ESRRG: variants seen among roughly 807,000 people sequenced by gnomAD.
ESRRG encodes the protein estrogen related receptor gamma.
In ESRRG, 13 loss-of-function variants were observed where a neutral mutation model predicts 44.0. The observed-to-expected ratio is 0.30, with a 90% CI of 0.19 to 0.47. The LOEUF is 0.47. ESRRG is among the 20% of genes least tolerant of loss of function. ESRRG has a pLI of 1.00. For synonymous variants in ESRRG, 215 were observed against 214.6 expected, an observed-to-expected ratio of 1.00 and a Z score of -0.02; for missense variants, 395 against 580.6, an observed-to-expected ratio of 0.68 and a Z score of 3.29.
At chr1:216,975,453 C>G (rs1376327482) in intron 1 of ESRRG, among the ~76,000 whole-genome samples, 3 of 152,200 alleles carry the variant, frequency 2.0e-5, no homozygotes, top group African/African-American at 7.2e-5. Flanking sequence ...GCCCAGGTAA[C>G]AGGAGCCATA....
At chr1:217,137,351 T>C (rs1207710548) in intron 1 of ESRRG, among the ~76,000 whole-genome samples, 1 of 152,168 alleles carries the variant, frequency 6.6e-6, no homozygotes, top group African/African-American at 2.4e-5. Context: ...GAATCCAGTT[T>C]GGAAAGAGTG....
chr1:216,809,761 G>A (rs567836846), intron 2 of ESRRG, among the ~76,000 whole-genome samples: 56 of 151,976 alleles, frequency 3.7e-4, no homozygotes, highest in Non-Finnish European at 6.8e-4. Flanking sequence ...TACTGCAGAC[G>A]TAAGGGTAGA....
At chr1:216,960,136 T>TAA (rs35019383) in intron 1 of ESRRG, among the ~76,000 whole-genome samples, 4 of 151,634 alleles carry the variant, frequency 2.6e-5, no homozygotes, top group Middle Eastern at 3.4e-3. Flanking sequence ...GTCTGTAATG[T>TAA]AAAAAAAAAT....
chr1:216,979,662 G>A (rs559350879), intron 1 of ESRRG, among the ~76,000 whole-genome samples: 101 of 152,152 alleles, frequency 6.6e-4, no homozygotes, highest in South Asian at 2.9e-3. Context: ...ATAATAATCC[G>A]TAACTCATAG....
chr1:216,670,158 A>C (rs186538005), intron 2 of ESRRG, among the ~76,000 whole-genome samples: 16 of 152,338 alleles, frequency 1.1e-4, no homozygotes, highest in African/African-American at 3.6e-4. Context: ...AGTTCATATC[A>C]TGTACACTCA....
intron 1 of ESRRG, among the ~76,000 whole-genome samples, chr1:217,028,095 G>C (rs558492569): frequency 6.6e-6 from 1 of 152,224 alleles, no homozygotes; most frequent in Middle Eastern, 3.4e-3. Context: ...CCCATGTCTA[G>C]AATTTCTATA....
intron 1 of ESRRG, among the ~76,000 whole-genome samples, chr1:216,998,278 A>G (rs985377890): frequency 6.6e-6 from 1 of 152,222 alleles, no homozygotes; most frequent in Admixed American, 6.5e-5. Context: ...AACATTGTCT[A>G]TGATTCTCTA....
intron 3 of ESRRG, among the ~76,000 whole-genome samples, chr1:216,601,347 C>G (rs1354040571): frequency 6.6e-6 from 1 of 152,090 alleles, no homozygotes. Context: ...CGTCCGGAGC[C>G]GACGCCGGGC....
At chr1:216,674,697 A>G (rs938009391) in intron 2 of ESRRG, among the ~76,000 whole-genome samples, 2 of 150,460 alleles carry the variant, frequency 1.3e-5, no homozygotes, top group African/African-American at 4.9e-5. Context: ...GCAACCTCCA[A>G]TTCCTGGGCT....
intron 1 of ESRRG, among the ~76,000 whole-genome samples, chr1:216,681,357 A>C (rs2076993216): frequency 1.3e-5 from 2 of 152,104 alleles, no homozygotes; most frequent in South Asian, 4.1e-4. Flanking sequence ...GGTTTGTTAC[A>C]CATGTATACA....
chr1:217,004,045 G>A (rs922139705), intron 1 of ESRRG, among the ~76,000 whole-genome samples: 1 of 152,044 alleles, frequency 6.6e-6, no homozygotes, highest in Non-Finnish European at 1.5e-5. Flanking sequence ...AGGGGAGCGA[G>A]AAGTTACCAG....
At chr1:216,840,906 G>T (rs1379060449) in intron 2 of ESRRG, among the ~76,000 whole-genome samples, 2 of 152,188 alleles carry the variant, frequency 1.3e-5, no homozygotes, top group East Asian at 3.9e-4. Context: ...CACCATACAA[G>T]ATATAATAAT....
intron 1 of ESRRG, among the ~76,000 whole-genome samples, chr1:216,946,585 A>C (rs958341448): frequency 2.6e-5 from 4 of 152,206 alleles, no homozygotes; most frequent in Non-Finnish European, 4.4e-5. Flanking sequence ...TTTCCAAAGG[A>C]TATACAGCCA....
chr1:216,936,135 G>A (rs1470478463), intron 2 of ESRRG, among the ~76,000 whole-genome samples: 5 of 151,926 alleles, frequency 3.3e-5, no homozygotes, highest in Admixed American at 3.3e-4. Flanking sequence ...AAATTCCAAG[G>A]GATAAAGAGC....
intron 2 of ESRRG, among the ~76,000 whole-genome samples, chr1:216,869,047 C>A (rs1253006024): frequency 6.6e-6 from 1 of 152,124 alleles, no homozygotes; most frequent in African/African-American, 2.4e-5. Flanking sequence ...AGTGAGAGTG[C>A]AAACATTTTA....
chr1:217,075,921 G>T (rs1243503598), intron 1 of ESRRG, among the ~76,000 whole-genome samples: 1 of 152,100 alleles, frequency 6.6e-6, no homozygotes, highest in Non-Finnish European at 1.5e-5. Context: ...TTCATGTGCT[G>T]ATTGGTTCTA....
intron 2 of ESRRG, among the ~76,000 whole-genome samples, chr1:216,849,530 G>C (rs141161253): frequency 2.6e-5 from 4 of 152,118 alleles, no homozygotes; most frequent in African/African-American, 9.6e-5. Flanking sequence ...TATTAAATTT[G>C]ATAGCAAACG....
At chr1:217,053,460 CAAAA>C (rs199728551) in intron 1 of ESRRG, among the ~76,000 whole-genome samples, 18 of 62,474 alleles carry the variant, frequency 2.9e-4, no homozygotes, top group East Asian at 2.0e-3. Context: ...GTCCCAAAGC[CAAAA>C]AAAAGAAAGA....
intron 2 of ESRRG, among the ~76,000 whole-genome samples, chr1:216,851,882 A>G (rs1298661131): frequency 6.6e-6 from 1 of 152,190 alleles, no homozygotes; most frequent in Non-Finnish European, 1.5e-5. Context: ...AAATCACCCA[A>G]GTGGGGCCAC....
Sources: allele counts gnomAD v4.1 joint callset (sites outside exome capture counted in the v4.1 genomes callset), GRCh38; gene constraint gnomAD v4.1.1; transcripts MANE v1.5; gene names NCBI Gene and HGNC (gene_info 2026-07-23, HGNC 2026-07-21).